The following SOX5 variants were observed in gnomAD, a reference collection of about 807,000 sequenced individuals.
SOX5 encodes SRY-box transcription factor 5.
A neutral mutation model predicts 92.0 loss-of-function variants in SOX5; 9 were observed. The observed-to-expected ratio is 0.10, with a 90% confidence interval of 0.06 to 0.17. The LOEUF (loss-of-function observed/expected upper bound fraction) is 0.17, where lower values mean the gene tolerates loss of function less well. SOX5 is among the 10% of genes least tolerant of loss of function. The pLI is 1.00. For missense variants in SOX5, 642 were observed against 944.5 expected (o/e 0.68, Z 4.20); for synonymous variants, 344 against 336.3 (o/e 1.02, Z -0.25).
intron 4 of SOX5, among the ~76,000 whole-genome samples, chr12:24,198,877 C>G (rs7304259): frequency 0.49 from 75,166 of 151,960 alleles, 19,501 homozygotes; most frequent in Non-Finnish European, 0.58. Flanking sequence ...TAATAAAAAC[C>G]CTTTTATACT....
chr12:24,223,617 T>C (rs1195256331), intron 3 of SOX5, among the ~76,000 whole-genome samples: 1 of 152,110 alleles, frequency 6.6e-6, no homozygotes, highest in Non-Finnish European at 1.5e-5. Flanking sequence ...TAGCCAGGCA[T>C]GTTGGCATGT....
intron 7 of SOX5, among the ~76,000 whole-genome samples, chr12:23,643,197 C>A (rs78612436): frequency 1.3e-5 from 2 of 151,210 alleles, no homozygotes; most frequent in African/African-American, 4.9e-5. Flanking sequence ...ACTGGTAAAA[C>A]CTAATGACTG....
At chr12:24,313,699 G>T (rs554056352) in intron 2 of SOX5, among the ~76,000 whole-genome samples, 1 of 152,238 alleles carries the variant, frequency 6.6e-6, no homozygotes, top group South Asian at 2.1e-4. Context: ...TTGTGCTTCA[G>T]GGTTTAGCCC....
chr12:24,436,409 A>G (rs948732707), intron 1 of SOX5, among the ~76,000 whole-genome samples: 3 of 152,176 alleles, frequency 2.0e-5, no homozygotes, highest in African/African-American at 7.2e-5. Flanking sequence ...AGTGGTCCGG[A>G]TAAAAAAAAT....
Position 24,416,016 on chromosome 12 carries a change from C to T in SOX5, c.-250-47377G>A, listed in dbSNP as rs1964954800. 2.0e-5 allele frequency among the ~76,000 whole-genome samples: 3 copies of T among 152,274 alleles called. No individual in the cohort carries two copies. In the South Asian group the frequency reaches 6.2e-4, roughly 32 times the overall value. On this transcript the variant is annotated intron_variant, in intron 1 of 4. Coordinates refer to the SOX5 transcript ENST00000446891. ...AGACTTACAGAAAACTTATCCTGGACATTGAAATTCTTGGATCAGAAGGAG... is the reference window on the plus strand; with the variant it reads ...AGACTTACAGAAAACTTATCCTGGATATTGAAATTCTTGGATCAGAAGGAG...
At chr12:23,926,649 T>C (rs568831682) in intron 1 of SOX5, among the ~76,000 whole-genome samples, 90 of 152,254 alleles carry the variant, frequency 5.9e-4, no homozygotes, top group African/African-American at 2.1e-3. Flanking sequence ...TTCATTTCTT[T>C]GTTTTAAAGA....
intron 2 of SOX5, among the ~76,000 whole-genome samples, chr12:24,355,721 A>G (rs189844618): frequency 6.6e-6 from 1 of 152,366 alleles, no homozygotes; most frequent in Non-Finnish European, 1.5e-5. Flanking sequence ...CATCACTGGT[A>G]TGAGTTCAAA....
At chr12:24,013,546 A>G (rs1334185657) in intron 4 of SOX5, among the ~76,000 whole-genome samples, 1 of 152,174 alleles carries the variant, frequency 6.6e-6, no homozygotes, top group African/African-American at 2.4e-5. Flanking sequence ...GTTTTTAATA[A>G]CAATGTGAAA....
chr12:23,541,605 T>G (rs1006921421), intron 13 of SOX5, among the ~76,000 whole-genome samples: 1 of 152,210 alleles, frequency 6.6e-6, no homozygotes, highest in African/African-American at 2.4e-5. Context: ...TCAGTTCAAG[T>G]TTTTGATTAT....
At chr12:23,930,067 C>T (rs768567655) in intron 1 of SOX5, among the ~76,000 whole-genome samples, 9 of 151,940 alleles carry the variant, frequency 5.9e-5, no homozygotes, top group Admixed American at 1.3e-4. Context: ...TCTCACCCCT[C>T]ACAAACCTTA....
At chr12:24,122,998 A>G (rs1341093141) in intron 4 of SOX5, among the ~76,000 whole-genome samples, 1 of 152,248 alleles carries the variant, frequency 6.6e-6, no homozygotes. Flanking sequence ...CCCCAACAAA[A>G]GCCAAACCAG....
At chr12:24,050,803 A>T (rs1957488364) in intron 4 of SOX5, among the ~76,000 whole-genome samples, 1 of 152,158 alleles carries the variant, frequency 6.6e-6, no homozygotes, top group Non-Finnish European at 1.5e-5. Context: ...ACTGTCTAGC[A>T]AGTATATAGT....
rs1051919150 is a variant in SOX5 at position 24,289,754 on chromosome 12, C to A, written c.-173-12442G>T. The stretch of plus-strand genomic sequence containing the variant: ...ACAGGCGTGAGCCACCGCGCCCGGC[C>A]GGACATTTGTATCTTGAAAGCCTTA... On this transcript the variant is annotated intron_variant, in intron 2 of 4. Coordinates refer to the SOX5 transcript ENST00000446891. Among the ~76,000 whole-genome samples the A allele has an allele frequency of 1.7e-5, 2 of 120,560 alleles. 1 individual carries two copies. Among genetic ancestry groups the A allele is most frequent in the Non-Finnish European group, 3.2e-5 (2 of 63,444 alleles). The allele number at this position is 120,560 out of a possible 152,430, so 79.1% of individuals were successfully genotyped here.
intron 2 of SOX5, among the ~76,000 whole-genome samples, chr12:24,335,987 A>G (rs11047376): frequency 7.4e-6 from 1 of 134,362 alleles, no homozygotes; most frequent in Non-Finnish European, 1.5e-5. Flanking sequence ...ATATATATAT[A>G]TCCATAATAT....
intron 2 of SOX5, among the ~76,000 whole-genome samples, chr12:24,331,873 A>AAAAAAAAAAAAAAAAT (rs777785887): frequency 2.8e-5 from 4 of 141,200 alleles, no homozygotes; most frequent in Non-Finnish European, 4.8e-5. Context: ...AAAAAAAAAA[A>AAAAAAAAAAAAAAAAT]AAGGAAAGAA....
chr12:23,894,968 A>C lies in SOX5; in HGVS notation c.270+825T>G, dbSNP rs556406306. Among the ~76,000 whole-genome samples, 96 of 152,294 alleles carry C rather than the reference A, an allele frequency of 6.3e-4. 1 individual carries two copies. The highest frequency in any genetic ancestry group is 2.1e-3 in the African/African-American group (89 of 41,578). Reference sequence around the variant, plus strand: ...CACTGAAAAGGTGAGGATGCCTTTAATGGTGGTAAGTGCCCCACTACCTTC... The same window carrying C: ...CACTGAAAAGGTGAGGATGCCTTTACTGGTGGTAAGTGCCCCACTACCTTC... On this transcript the variant is annotated intron_variant, in intron 2 of 14. Coordinates refer to ENST00000451604, the MANE Select transcript of SOX5 (RefSeq NM_006940.6).
chr12:23,735,244 C>A (rs1369672768), intron 5 of SOX5, among the ~76,000 whole-genome samples: 1 of 152,124 alleles, frequency 6.6e-6, no homozygotes, highest in East Asian at 1.9e-4. Context: ...TCACAAGCCC[C>A]TTACCACCAA....
intron 2 of SOX5, among the ~76,000 whole-genome samples, chr12:24,329,524 G>C (rs529884846): frequency 3.9e-5 from 6 of 152,226 alleles, no homozygotes; most frequent in Non-Finnish European, 8.8e-5. Flanking sequence ...GATGAGATTC[G>C]GGTGGGGACA....
At chr12:24,276,235 T>C (rs894081783) in intron 3 of SOX5, among the ~76,000 whole-genome samples, 8 of 152,134 alleles carry the variant, frequency 5.3e-5, no homozygotes, top group African/African-American at 1.7e-4. Context: ...GTTTCATTTG[T>C]CTGTGAATAT....
Sources: allele counts gnomAD v4.1 joint callset (sites outside exome capture counted in the v4.1 genomes callset), GRCh38; gene constraint gnomAD v4.1.1; transcripts MANE v1.5; gene names NCBI Gene and HGNC (gene_info 2026-07-23, HGNC 2026-07-21).